The following PKIA variants were observed in gnomAD, a reference collection of about 807,000 sequenced individuals.
PKIA encodes the protein PKI-alpha.
A neutral mutation model predicts 7.6 loss-of-function variants in PKIA; 4 were observed. The ratio of observed to expected loss-of-function variants is 0.52; its 90% CI spans 0.26 to 1.20. The LOEUF (loss-of-function observed/expected upper bound fraction) is 1.20. Ranked by LOEUF, PKIA falls within the 50% of genes most tolerant of loss-of-function variation. PKIA has a pLI of 0.13. For synonymous variants in PKIA, 21 were observed against 30.7 expected, an observed-to-expected ratio of 0.68 and a Z score of 1.04; for missense variants, 73 against 86.2, an observed-to-expected ratio of 0.85 and a Z score of 0.61.
rs112234679 is a variant in PKIA at position 78,579,938 on chromosome 8, A to G, written c.-28+6999A>G. Among the ~76,000 whole-genome samples the G allele has an allele frequency of 5.0e-3, 762 of 152,172 alleles. 9 individuals carry two copies. Among genetic ancestry groups the G allele is most frequent in the African/African-American group, 0.016 (647 of 41,550 alleles). On this transcript the variant is annotated intron_variant, in intron 2 of 3. Coordinates refer to ENST00000396418, the MANE Select transcript of PKIA (RefSeq NM_006823.4). ...AAATACCAAGCTGGTATATTTGTTC[A>G]GATAAACATGGGCTGGTGCAGAGCA...
chr8:78,585,241 G>T (rs961421507), intron 2 of PKIA, among the ~76,000 whole-genome samples: 1 of 151,736 alleles, frequency 6.6e-6, no homozygotes, highest in African/African-American at 2.4e-5. Flanking sequence ...ATATATATGG[G>T]TATATTTCTC....
intron 2 of PKIA, among the ~76,000 whole-genome samples, chr8:78,587,920 G>A (rs556588786): frequency 7.9e-5 from 12 of 152,056 alleles, no homozygotes; most frequent in African/African-American, 2.9e-4. Context: ...GTATGACCTC[G>A]ATCAAGTTAC....
At chr8:78,559,856 A>G (rs1807240593) in intron 1 of PKIA, among the ~76,000 whole-genome samples, 1 of 152,214 alleles carries the variant, frequency 6.6e-6, no homozygotes, top group Non-Finnish European at 1.5e-5. Context: ...TCTATCACAT[A>G]TGTTGTAACA....
chr8:78,555,346 T>TAA (rs138112338), intron 1 of PKIA, among the ~76,000 whole-genome samples: 6 of 148,222 alleles, frequency 4.0e-5, no homozygotes, highest in African/African-American at 1.5e-4. Context: ...CAGACTGAGG[T>TAA]AAAAAAAAAA....
chr8:78,553,264 A>G (rs1340276462), intron 1 of PKIA, among the ~76,000 whole-genome samples: 1 of 151,882 alleles, frequency 6.6e-6, no homozygotes, highest in Non-Finnish European at 1.5e-5. Flanking sequence ...ATAAACACCT[A>G]AAAAGTTCAG....
chr8:78,551,962 TC>T (rs1806995585), intron 1 of PKIA, among the ~76,000 whole-genome samples: 1 of 151,982 alleles, frequency 6.6e-6, no homozygotes, highest in South Asian at 2.1e-4. Context: ...TATTGATAGT[TC>T]CTGTATATGT....
intron 1 of PKIA, among the ~76,000 whole-genome samples, chr8:78,562,778 C>T (rs952820263): frequency 1.3e-5 from 2 of 151,834 alleles, no homozygotes; most frequent in African/African-American, 4.8e-5. Flanking sequence ...CCACCCCACT[C>T]CCAACAACTA....
intron 1 of PKIA, among the ~76,000 whole-genome samples, chr8:78,518,952 T>C (rs1479078261): frequency 1.3e-5 from 2 of 152,178 alleles, no homozygotes; most frequent in Non-Finnish European, 2.9e-5. Flanking sequence ...AGCAGAAATA[T>C]ATGTATGATT....
At chr8:78,531,376 C>T (rs944001256) in intron 1 of PKIA, among the ~76,000 whole-genome samples, 2 of 152,054 alleles carry the variant, frequency 1.3e-5, no homozygotes, top group African/African-American at 4.8e-5. Context: ...GAAGAAATGG[C>T]GTTTTTCCTC....
chr8:78,537,405 TC>T (rs894889426), intron 1 of PKIA, among the ~76,000 whole-genome samples: 10 of 152,042 alleles, frequency 6.6e-5, no homozygotes, highest in African/African-American at 2.4e-4. Flanking sequence ...GGTAGACATT[TC>T]CTTGCCTTTA....
At position 78,526,772 on chromosome 8, in the gene PKIA, TA is replaced by T. The variant is rs879926887; in HGVS notation, c.-157+10316del. Among the ~76,000 whole-genome samples the T allele has an allele frequency of 5.7e-3, 779 of 136,716 alleles. 6 individuals carry two copies. The highest frequency in any genetic ancestry group is 0.015 in the African/African-American group (575 of 37,540). 89.7% of individuals were successfully genotyped at this position (136,716 alleles called of 152,430 possible). A position where few individuals can be genotyped will look rare whatever the true frequency, so the allele number is the denominator to read the frequency against. ...TGAATAGCAAAACTGTTAAACAAAA[TA>T]AAAAAAAAAAATAGAGCCTCACTTA... On this transcript the variant is annotated intron_variant, in intron 1 of 3. Coordinates refer to ENST00000396418, the MANE Select transcript of PKIA (RefSeq NM_006823.4).
At chr8:78,524,277 A>G (rs1369035457) in intron 1 of PKIA, among the ~76,000 whole-genome samples, 2 of 147,598 alleles carry the variant, frequency 1.4e-5, no homozygotes, top group Non-Finnish European at 3.0e-5. Context: ...CTTATAAGGT[A>G]TAATCACTGG....
At chr8:78,595,340 G>GAAAAGA (rs1808202439) in intron 2 of PKIA, among the ~76,000 whole-genome samples, 1 of 152,064 alleles carries the variant, frequency 6.6e-6, no homozygotes. Flanking sequence ...AGTATAAGAG[G>GAAAAGA]AAAAGAAAAA....
chr8:78,542,148 G>C (rs1426828874), intron 1 of PKIA, among the ~76,000 whole-genome samples: 1 of 152,104 alleles, frequency 6.6e-6, no homozygotes, highest in Non-Finnish European at 1.5e-5. Context: ...AGGCTACAGA[G>C]CAAGACCCTG....
At chr8:78,533,661 G>T (rs1031763997) in intron 1 of PKIA, among the ~76,000 whole-genome samples, 1 of 151,960 alleles carries the variant, frequency 6.6e-6, no homozygotes, top group African/African-American at 2.4e-5. Flanking sequence ...TTCGAGACCA[G>T]CCAGGGCAAC....
chr8:78,594,300 A>G (rs1158211397), intron 2 of PKIA, among the ~76,000 whole-genome samples: 3 of 151,994 alleles, frequency 2.0e-5, no homozygotes, highest in African/African-American at 4.8e-5. Context: ...CAGCAGAGAA[A>G]CTCTGGAAAA....
At chr8:78,548,652 A>G (rs117468631) in intron 1 of PKIA, among the ~76,000 whole-genome samples, 3,100 of 152,226 alleles carry the variant, frequency 0.02, 36 homozygotes, top group Middle Eastern at 0.041. Context: ...TGAATCGTAT[A>G]GAGATAGGAT....
In PKIA at chr8:78,536,906, AC is replaced by A. The variant is rs1336515493; in HGVS notation, c.-157+20439del. Among the ~76,000 whole-genome samples, 4 of 140,974 alleles carry A rather than the reference AC, an allele frequency of 2.8e-5. No homozygotes were observed. In the South Asian group the frequency reaches 6.7e-4, roughly 24 times the overall value. 92.5% of individuals were successfully genotyped at this position (140,974 alleles called of 152,430 possible). On this transcript the variant is annotated intron_variant, in intron 1 of 3. Transcript: ENST00000396418. Reference sequence around the variant, plus strand: ...CACACACACACACACACACACACACACACTACATTTTAATCCTGGCATCTCA... The same window carrying A: ...CACACACACACACACACACACACACAACTACATTTTAATCCTGGCATCTCA...
intron 1 of PKIA, among the ~76,000 whole-genome samples, chr8:78,525,941 T>C (rs1359246092): frequency 6.6e-6 from 1 of 152,096 alleles, no homozygotes; most frequent in Non-Finnish European, 1.5e-5. Context: ...GTGAGTTGTT[T>C]CCTGATATTT....
Sources: allele counts gnomAD v4.1 joint callset (sites outside exome capture counted in the v4.1 genomes callset), GRCh38; gene constraint gnomAD v4.1.1; transcripts MANE v1.5; gene names NCBI Gene and HGNC (gene_info 2026-07-23, HGNC 2026-07-21).